DCUN1D4: variants seen among roughly 807,000 people sequenced by gnomAD.
DCUN1D4 encodes DCN1-like protein 4.
Under a neutral mutation model 47.9 loss-of-function variants are expected in DCUN1D4, and 22 were observed. The ratio of observed to expected loss-of-function variants is 0.46; its 90% CI spans 0.33 to 0.66. The LOEUF (loss-of-function observed/expected upper bound fraction) is 0.66, where lower values mean the gene tolerates loss of function less well. Ranked by LOEUF, DCUN1D4 falls within the 30% of genes least tolerant of loss-of-function variation. DCUN1D4 has a pLI of 0.02. For missense variants in DCUN1D4, 301 were observed against 340.8 expected, an observed-to-expected ratio of 0.88 and a Z score of 0.92; for synonymous variants, 121 against 112.2, an observed-to-expected ratio of 1.08 and a Z score of -0.50.
chr4:51,888,986 G>A (rs1005702255), intron 6 of DCUN1D4, among the ~76,000 whole-genome samples: 1 of 151,540 alleles, frequency 6.6e-6, no homozygotes, highest in Non-Finnish European at 1.5e-5. Flanking sequence ...ATGTGCGCTA[G>A]TAATCCCAGC....
At chr4:51,862,698 ATATG>A (rs1320188508) in intron 1 of DCUN1D4, among the ~76,000 whole-genome samples, 1 of 152,124 alleles carries the variant, frequency 6.6e-6, no homozygotes, top group African/African-American at 2.4e-5. Context: ...TGCCTAATAT[ATATG>A]CAAACATACT....
chr4:51,908,786 G>C, intron 8 of DCUN1D4: 1 of 415,114 alleles, frequency 2.4e-6, no homozygotes, highest in Admixed American at 2.5e-5. Flanking sequence ...TGTTGTTCCC[G>C]GGAATTTTTA....
intron 6 of DCUN1D4, chr4:51,887,167 G>A (rs1253466901): frequency 4.5e-6 from 2 of 442,096 alleles, no homozygotes; most frequent in Non-Finnish European, 9.0e-6. Context: ...ATGGTATGAT[G>A]TCGGCTCACT....
chr4:51,848,228 G>T (rs985247146), intron 1 of DCUN1D4: 11 of 1,289,076 alleles, frequency 8.5e-6, no homozygotes, highest in Admixed American at 4.6e-5. Flanking sequence ...AGAATGTGGC[G>T]TGGAGAAATT....
intron 3 of DCUN1D4, among the ~76,000 whole-genome samples, chr4:51,873,180 TC>T (rs1727173150): frequency 6.6e-6 from 1 of 152,198 alleles, no homozygotes; most frequent in Non-Finnish European, 1.5e-5. Context: ...CCCTGGGCCT[TC>T]AACCAAGGGC....
At chr4:51,858,073 G>A (rs189294037) in intron 1 of DCUN1D4, among the ~76,000 whole-genome samples, 55 of 152,282 alleles carry the variant, frequency 3.6e-4, no homozygotes, top group African/African-American at 1.3e-3. Flanking sequence ...ATGATAGAGT[G>A]AAGATGGGGC....
chr4:51,845,049 C>T lies in DCUN1D4; in HGVS notation c.25+1782C>T, dbSNP rs1234419970. Reference sequence around the variant, plus strand: ...GGTTCTTGGTCCCCAAGTGAATTTCCCCCTGCATTTTGTGGCCTTACTTGT... The same window carrying T: ...GGTTCTTGGTCCCCAAGTGAATTTCTCCCTGCATTTTGTGGCCTTACTTGT... On this transcript the variant is annotated intron_variant, in intron 1 of 10. Coordinates refer to ENST00000334635, the MANE Select transcript of DCUN1D4 (RefSeq NM_001040402.3). The T allele has an allele frequency of 8.1e-6, 8 of 985,360 alleles. No individual in the cohort carries two copies. The East Asian group carries it at 4.5e-4, about 56-fold the overall frequency. 61.0% of individuals were successfully genotyped at this position (985,360 alleles called of 1,614,324 possible). A position where few individuals can be genotyped will look rare whatever the true frequency, so the allele number is the denominator to read the frequency against.
chr4:51,854,391 A>G (rs1029494653), intron 1 of DCUN1D4, among the ~76,000 whole-genome samples: 1 of 152,172 alleles, frequency 6.6e-6, no homozygotes, highest in Non-Finnish European at 1.5e-5. Context: ...TTAAAAACAT[A>G]TGTACTATGA....
chr4:51,853,926 G>A (rs933610975), intron 1 of DCUN1D4, among the ~76,000 whole-genome samples: 14 of 152,116 alleles, frequency 9.2e-5, no homozygotes, highest in South Asian at 4.1e-4. Context: ...CCTGTGCCAC[G>A]CACTGTTTGA....
At position 51,848,944 on chromosome 4, in the gene DCUN1D4, AG is replaced by A. The variant is rs1270322708; in HGVS notation, c.25+5679del. 2.0e-5 allele frequency among the ~76,000 whole-genome samples: 3 copies of A among 152,100 alleles called. No individual in the cohort carries two copies. In the East Asian group the frequency reaches 5.8e-4, roughly 29 times the overall value. On this transcript the variant is annotated intron_variant, in intron 1 of 10. Coordinates refer to ENST00000334635, the MANE Select transcript of DCUN1D4 (RefSeq NM_001040402.3). ...ATGATTTATTTTAGTTCTGCCTTCG[AG>A]GATTTTTTTTTCCTTGTGAAATTTT...
At chr4:51,835,933 C>T in the DCUN1D4 span, among the ~76,000 whole-genome samples, 1 of 152,254 alleles carries the variant, frequency 6.6e-6, no homozygotes, top group Admixed American at 6.5e-5. Flanking sequence ...CTTCCCACTG[C>T]CTTAAAATAC....
chr4:51,904,449 A>G (rs1732572678), intron 8 of DCUN1D4, among the ~76,000 whole-genome samples: 1 of 152,174 alleles, frequency 6.6e-6, no homozygotes, highest in Non-Finnish European at 1.5e-5. Flanking sequence ...CTCTTTGTGT[A>G]GTTCCCACCT....
At chr4:51,885,708 A>G (rs188560884) in intron 5 of DCUN1D4, among the ~76,000 whole-genome samples, 38 of 152,326 alleles carry the variant, frequency 2.5e-4, no homozygotes, top group Admixed American at 1.3e-3. Flanking sequence ...AGCAGGCACT[A>G]GAAGAGGTTT....
At position 51,916,834 on chromosome 4, in the gene DCUN1D4, A is replaced by T. The variant is rs1578080603; in HGVS notation, c.*3250A>T. 1 of 152,548 alleles carries T rather than the reference A, an allele frequency of 6.6e-6. No homozygotes were observed. Among genetic ancestry groups the T allele is most frequent in the Non-Finnish European group, 1.5e-5 (1 of 68,030 alleles). 9.4% of individuals were successfully genotyped at this position (152,548 alleles called of 1,614,324 possible). ...ATAAAAAGTATTTGTGTTTGGTTTC[A>T]GAACAGATGTGTAAATTTTTTCTTC... On this transcript the variant is annotated 3_prime_UTR_variant, in exon 11 of 11. Transcript: ENST00000334635.
intron 3 of DCUN1D4, among the ~76,000 whole-genome samples, chr4:51,867,122 C>T (rs1341162852): frequency 6.6e-6 from 1 of 152,256 alleles, no homozygotes; most frequent in Non-Finnish European, 1.5e-5. Flanking sequence ...GGCGCCAGTA[C>T]AGGCACCAGC....
chr4:51,842,123 G>A (rs1202830870), upstream of DCUN1D4, among the ~76,000 whole-genome samples: 1 of 152,160 alleles, frequency 6.6e-6, no homozygotes, highest in Non-Finnish European at 1.5e-5. Context: ...CTTGACTTAG[G>A]GTCAGAAGAA....
intron 6 of DCUN1D4, 127 bp from the exon 7 acceptor site, chr4:51,891,632 TC>T: frequency 2.9e-6 from 2 of 682,280 alleles, no homozygotes; most frequent in East Asian, 5.9e-5. Flanking sequence ...TGCTCATATT[TC>T]AGTGACTAAA....
At position 51,887,525 on chromosome 4, in the gene DCUN1D4, C is replaced by T. The variant is rs187886428; in HGVS notation, c.414+887C>T. On this transcript the variant is annotated intron_variant, in intron 6 of 10. Transcript: ENST00000334635. ...TTGAATATTTTTTCTGTTCCTACAT[C>T]ACCTCTCTTACACTAAAATGAAAAA... 3.8e-4 allele frequency among the ~76,000 whole-genome samples: 58 copies of T among 152,282 alleles called. 1 individual carries two copies. In the South Asian group the frequency reaches 7.7e-3, roughly 20 times the overall value.
intron 1 of DCUN1D4, among the ~76,000 whole-genome samples, chr4:51,851,660 G>A (rs1723386116): frequency 6.6e-6 from 1 of 152,118 alleles, no homozygotes; most frequent in Admixed American, 6.5e-5. Flanking sequence ...AGTCCCAGGT[G>A]GGGCACAGGG....
Sources: gnomAD v4.1 joint callset for allele counts (sites outside exome capture counted in the v4.1 genomes callset) on GRCh38, gnomAD v4.1.1 for gene constraint, MANE v1.5 for transcripts, NCBI Gene and HGNC (gene_info 2026-07-23, HGNC 2026-07-21) for gene names.